The following RABGAP1L variants were observed in gnomAD, a reference collection of about 807,000 sequenced individuals.
RABGAP1L encodes the protein rab GTPase-activating protein 1-like.
Under a neutral mutation model 137.7 loss-of-function variants are expected in RABGAP1L, and 63 were observed. The observed-to-expected ratio is 0.46, with a 90% CI of 0.37 to 0.56. RABGAP1L has a LOEUF of 0.56. Ranked by LOEUF, RABGAP1L falls within the 20% of genes least tolerant of loss-of-function variation. RABGAP1L has a pLI of 0.00. For synonymous variants in RABGAP1L, 431 were observed against 433.7 expected (o/e 0.99, Z 0.08); for missense variants, 1,095 against 1,244.0 (o/e 0.88, Z 1.80).
Position 174,390,303 on chromosome 1 carries a change from CT to C in RABGAP1L, c.1560-3691del, listed in dbSNP as rs539306632. ...AGGAGAAAAGACATTTTCATTATGC[CT>C]GGCCAAACAAGTGGCTGAGGGTCAG... is the stretch of plus-strand genomic sequence containing the variant. On this transcript the variant is annotated intron_variant, in intron 12 of 25. Transcript: ENST00000681986. Among the ~76,000 whole-genome samples the C allele has an allele frequency of 1.7e-3, 257 of 152,194 alleles. 1 individual carries two copies. The highest frequency in any genetic ancestry group is 6.0e-3 in the African/African-American group (250 of 41,540).
rs149863473 is a variant in RABGAP1L, at chr1:174,580,616, A to G, written c.1711-56759A>G. Among the ~76,000 whole-genome samples the G allele has an allele frequency of 5.2e-3, 773 of 147,316 alleles. 8 individuals carry two copies. Among genetic ancestry groups the G allele is most frequent in the African/African-American group, 0.017 (689 of 40,186 alleles). On this transcript the variant is annotated intron_variant, in intron 13 of 25. Transcript: ENST00000681986. The stretch of plus-strand genomic sequence containing the variant: ...GGACACAGGAAGGGGAACATCACAC[A>G]CCGGGGCCTGCTGTGGGGTGGGAGG...
intron 13 of RABGAP1L, among the ~76,000 whole-genome samples, chr1:174,440,294 C>A (rs1397576696): frequency 6.6e-6 from 1 of 152,160 alleles, no homozygotes; most frequent in East Asian, 1.9e-4. Context: ...ACAGAAGCAA[C>A]GCGATCTGGT....
chr1:174,742,495 C>T (rs773087774), intron 17 of RABGAP1L, among the ~76,000 whole-genome samples: 2 of 151,742 alleles, frequency 1.3e-5, no homozygotes, highest in South Asian at 2.1e-4. Context: ...CCAGCCTAAG[C>T]GACAGAGCAA....
chr1:174,833,248 A>G (rs1692300218), intron 19 of RABGAP1L, among the ~76,000 whole-genome samples: 1 of 150,588 alleles, frequency 6.6e-6, no homozygotes, highest in Admixed American at 6.6e-5. Flanking sequence ...CACCTAGGCT[A>G]GAGTGTAGTG....
intron 13 of RABGAP1L, among the ~76,000 whole-genome samples, chr1:174,496,994 A>G (rs1357031929): frequency 1.3e-5 from 2 of 152,232 alleles, no homozygotes; most frequent in Admixed American, 1.3e-4. Context: ...GTCATTGTGT[A>G]TAAATTTTAT....
chr1:174,979,028 T>G, intron 23 of RABGAP1L, 138 bp downstream of exon 23: 1 of 1,238,812 alleles, frequency 8.1e-7, no homozygotes, highest in Non-Finnish European at 1.0e-6. Context: ...GGAAAAAAAA[T>G]TTTTTAGTTA....
intron 13 of RABGAP1L, among the ~76,000 whole-genome samples, chr1:174,598,003 G>T (rs1410646376): frequency 6.6e-6 from 1 of 152,000 alleles, no homozygotes; most frequent in African/African-American, 2.4e-5. Context: ...TTCCATTGTG[G>T]TCTGAGAAGA....
intron 23 of RABGAP1L, 55 bp downstream of exon 23, chr1:174,978,945 A>ATTTT: frequency 8.6e-7 from 1 of 1,164,766 alleles, no homozygotes; most frequent in South Asian, 1.9e-5. Flanking sequence ...TATAAAAGTA[A>ATTTT]TTTTTTTTTT....
intron 13 of RABGAP1L, among the ~76,000 whole-genome samples, chr1:174,542,222 C>A (rs1408174299): frequency 1.3e-5 from 2 of 152,100 alleles, no homozygotes; most frequent in Admixed American, 1.3e-4. Context: ...CCATCTGGTC[C>A]TGGACTTTTT....
intron 13 of RABGAP1L, among the ~76,000 whole-genome samples, chr1:174,635,549 C>G (rs1360298261): frequency 1.3e-5 from 2 of 152,164 alleles, no homozygotes; most frequent in African/African-American, 4.8e-5. Context: ...CCACCCCACC[C>G]TGCAGTTTTC....
At chr1:174,270,281 C>A (rs145066781) in intron 7 of RABGAP1L, among the ~76,000 whole-genome samples, 1 of 151,514 alleles carries the variant, frequency 6.6e-6, no homozygotes, top group East Asian at 1.9e-4. Flanking sequence ...TAAGAAAAAT[C>A]CAAACCTCTA....
Position 174,315,566 on chromosome 1 carries a change from T to C in RABGAP1L, c.1465+10439T>C, listed in dbSNP as rs114278341. On this transcript the variant is annotated intron_variant, in intron 11 of 25. Coordinates refer to ENST00000681986, the MANE Select transcript of RABGAP1L (RefSeq NM_001366446.1). ...TGTTTTCTGATCTTCTTTCTTCCCT[T>C]CCTGTCTTTCTATAGTGAAGATGAT... Among the ~76,000 whole-genome samples, 437 of 152,150 alleles carry C rather than the reference T, an allele frequency of 2.9e-3. 4 individuals are homozygous for C. The highest frequency in any genetic ancestry group is 9.9e-3 in the African/African-American group (410 of 41,528).
rs114401488 is a variant in RABGAP1L, at chr1:174,748,288, G to A, written c.2170-4025G>A. ...AAATAATCAACCCCCGAAAATTTGG[G>A]AAAGCTAGTGTAGTTTAATCATTCA... On this transcript the variant is annotated intron_variant, in intron 17 of 25. Transcript: ENST00000681986. Among the ~76,000 whole-genome samples the A allele has an allele frequency of 1.2e-3, 183 of 152,238 alleles. 1 individual carries two copies. The highest frequency in any genetic ancestry group is 3.5e-3 in the African/African-American group (147 of 41,572).
intron 1 of RABGAP1L, among the ~76,000 whole-genome samples, chr1:174,188,094 T>C (rs1426454149): frequency 2.0e-5 from 3 of 152,222 alleles, no homozygotes; most frequent in African/African-American, 7.2e-5. Flanking sequence ...ATACTTTATA[T>C]AAAGACTATG....
At chr1:174,626,367 C>G (rs1294676607) in intron 13 of RABGAP1L, among the ~76,000 whole-genome samples, 1 of 152,298 alleles carries the variant, frequency 6.6e-6, no homozygotes, top group Non-Finnish European at 1.5e-5. Flanking sequence ...CCACTGGAAT[C>G]CCAGCACTTC....
intron 15 of RABGAP1L, among the ~76,000 whole-genome samples, chr1:174,691,311 T>C (rs1008351960): frequency 6.6e-6 from 1 of 152,254 alleles, no homozygotes; most frequent in Admixed American, 6.5e-5. Flanking sequence ...AATACCTTGA[T>C]GTAAATGATT....
rs140749638 is a variant in RABGAP1L at position 174,680,308 on chromosome 1, T to C, written c.1825-3214T>C. 2.9e-3 allele frequency among the ~76,000 whole-genome samples: 438 copies of C among 152,282 alleles called. 5 individuals carry two copies. The highest frequency in any genetic ancestry group is 8.7e-3 in the African/African-American group (363 of 41,562). ...ATCATGAGGGCGGAGCCCTCATGAATTGGATTAGTGCTTTAATAAAAGAGG... is the reference window on the plus strand; with the variant it reads ...ATCATGAGGGCGGAGCCCTCATGAACTGGATTAGTGCTTTAATAAAAGAGG... On this transcript the variant is annotated intron_variant, in intron 14 of 25. Transcript: ENST00000681986.
chr1:174,409,145 A>T (rs1331600998), intron 13 of RABGAP1L, among the ~76,000 whole-genome samples: 1 of 152,174 alleles, frequency 6.6e-6, no homozygotes. Context: ...ACAGGAAGTC[A>T]GGGACCCCGA....
chr1:174,672,265 A>AT (rs75473740), intron 14 of RABGAP1L, among the ~76,000 whole-genome samples: 11 of 133,832 alleles, frequency 8.2e-5, no homozygotes, highest in East Asian at 6.6e-4. Context: ...CATTTCATTG[A>AT]TTTTTTTTTT....
Sources: allele counts gnomAD v4.1 joint callset (sites outside exome capture counted in the v4.1 genomes callset), GRCh38; gene constraint gnomAD v4.1.1; transcripts MANE v1.5; gene names NCBI Gene and HGNC (gene_info 2026-07-23, HGNC 2026-07-21).